Variants in SMG7 observed in about 807,000 individuals in gnomAD.
SMG7 encodes nonsense-mediated mRNA decay factor SMG7.
Under a neutral mutation model 148.2 loss-of-function variants are expected in SMG7, and 34 were observed. The observed-to-expected ratio is 0.23, with a 90% CI of 0.17 to 0.31. The LOEUF (loss-of-function observed/expected upper bound fraction) is 0.31, where lower values mean the gene tolerates loss of function less well. Ranked by LOEUF, SMG7 falls within the 10% of genes least tolerant of loss-of-function variation. The pLI is 1.00. For missense variants in SMG7, 1,114 were observed against 1,408.4 expected, an observed-to-expected ratio of 0.79 and a Z score of 3.35; for synonymous variants, 492 against 515.1, an observed-to-expected ratio of 0.96 and a Z score of 0.61.
At chr1:183,473,904 T>A in intron 1 of SMG7, 1 of 983,644 alleles carries the variant, frequency 1.0e-6, no homozygotes, top group Non-Finnish European at 1.2e-6. Flanking sequence ...AAGAGGTGTG[T>A]AGTTACCTGA....
At chr1:183,475,733 G>A (rs1459669920) in intron 1 of SMG7, among the ~76,000 whole-genome samples, 1 of 152,140 alleles carries the variant, frequency 6.6e-6, no homozygotes, top group Non-Finnish European at 1.5e-5. Context: ...GCAGAGTGGT[G>A]GTACTTTTAA....
chr1:183,511,891 A>G (rs190551342), intron 1 of SMG7, among the ~76,000 whole-genome samples: 140 of 152,326 alleles, frequency 9.2e-4, no homozygotes, highest in African/African-American at 3.3e-3. Flanking sequence ...TTTGGGAGAA[A>G]GTTGTCATGG....
rs76767856 is a variant in SMG7, at chr1:183,537,970, G to A, written c.1235-410G>A. On this transcript the variant is annotated intron_variant, in intron 11 of 22. Transcript: ENST00000688051. ...ATCACCTGAATCTTTTTAAAATACA[G>A]TTTATGATTCAGTAGGTTTGAATTA... Among the ~76,000 whole-genome samples, 256 of 152,098 alleles carry A rather than the reference G, an allele frequency of 1.7e-3. 1 individual carries two copies. The East Asian group carries it at 0.035, about 20-fold the overall frequency.
At chr1:183,532,734 TG>T (rs1667086070) in intron 8 of SMG7, among the ~76,000 whole-genome samples, 1 of 152,204 alleles carries the variant, frequency 6.6e-6, no homozygotes, top group South Asian at 2.1e-4. Flanking sequence ...CTTTATGTAC[TG>T]GGAGTTCAAA....
intron 15 of SMG7, 101 bp downstream of exon 15, chr1:183,544,598 C>A (rs546981934): frequency 7.8e-7 from 1 of 1,288,230 alleles, no homozygotes; most frequent in Non-Finnish European, 1.1e-6. Flanking sequence ...TGTTACTAAG[C>A]CATAAAAAGT....
Position 183,517,693 on chromosome 1 carries a change from A to G in SMG7, c.185A>G (p.Asn62Ser). 6.2e-7 allele frequency: 1 copy of G among 1,614,096 alleles called. No individual in the cohort carries two copies. The highest frequency in any genetic ancestry group is 8.5e-7 in the Non-Finnish European group (1 of 1,179,954). The change falls in exon 4 of 23, where the codon AAT becomes AGT. Residue 62 changes from asparagine (N) to serine (S), a missense_variant. Physicochemically the swap from Asn to Ser is conservative, Grantham distance 46. Transcript: ENST00000688051. ...LDKKVEQDLW[N>S]HAFKNQITTL... ...GAATTACATTTTGTTTTCAGCTGGAATCACGCCTTTAAGAATCAGATCACA... is the reference window on the plus strand; with the variant it reads ...GAATTACATTTTGTTTTCAGCTGGAGTCACGCCTTTAAGAATCAGATCACA...
At position 183,551,921 on chromosome 1, in the gene SMG7, C is replaced by A; in HGVS notation, c.3554C>A (p.Pro1185His). The change falls in exon 23 of 23, where the codon CCT becomes CAT. Residue 1185 changes from proline to histidine, a missense_variant. Around this residue, in one of 4 missense-constraint regions of SMG7, gnomAD observed 788 missense variants for 894.5 expected, o/e 0.88. Coordinates refer to ENST00000688051, the MANE Select transcript of SMG7 (RefSeq NM_001375584.1). ...CAACGGGGACAAGGCACCATGAACC[C>A]TCCACACTGAGGCCAAAGTGGCAAC... The part of the protein sequence containing the change: ...KQQRGQGTMN[P>H]PH 3 of 1,613,390 alleles carry A rather than the reference C, an allele frequency of 1.9e-6. No homozygotes were observed. In the East Asian group the frequency reaches 6.7e-5, roughly 36 times the overall value.
At chr1:183,500,254 T>A (rs1475273814) in intron 1 of SMG7, among the ~76,000 whole-genome samples, 1 of 152,184 alleles carries the variant, frequency 6.6e-6, no homozygotes, top group African/African-American at 2.4e-5. Context: ...ATATATTATA[T>A]AGATTCCACT....
At chr1:183,532,953 G>C (rs183017423) in intron 8 of SMG7, among the ~76,000 whole-genome samples, 1 of 152,214 alleles carries the variant, frequency 6.6e-6, no homozygotes, top group Admixed American at 6.5e-5. Flanking sequence ...ACAACTCTGT[G>C]GTGTCTAGAT....
chr1:183,481,173 A>G (rs931871153), intron 1 of SMG7, among the ~76,000 whole-genome samples: 2 of 152,084 alleles, frequency 1.3e-5, no homozygotes, highest in African/African-American at 4.8e-5. Context: ...CTGCCTCATG[A>G]TATCTTCTTA....
In SMG7 at chr1:183,553,071, C is replaced by A. The variant is rs1004681838; in HGVS notation, c.*1140C>A. The A allele has an allele frequency of 6.5e-7, 1 of 1,536,086 alleles. No homozygotes were observed. Among genetic ancestry groups the A allele is most frequent in the African/African-American group, 1.4e-5 (1 of 73,048 alleles). On this transcript the variant is annotated 3_prime_UTR_variant, in exon 23 of 23. Transcript: ENST00000688051. ...TGCGTAGCCCACAGAGGGCCCAGGC[C>A]CCTGCCCAGCTGCAGTCTCCCAGCC...
intron 1 of SMG7, among the ~76,000 whole-genome samples, chr1:183,483,955 A>G (rs1451605920): frequency 6.6e-6 from 1 of 152,192 alleles, no homozygotes; most frequent in East Asian, 1.9e-4. Flanking sequence ...AGCAAGTTGA[A>G]TGAGCCAAGG....
chr1:183,504,591 G>A (rs950075700), intron 1 of SMG7, among the ~76,000 whole-genome samples: 6 of 151,968 alleles, frequency 3.9e-5, no homozygotes, highest in African/African-American at 9.7e-5. Flanking sequence ...TGCCTGCCTC[G>A]GCCTCCCAAA....
intron 1 of SMG7, among the ~76,000 whole-genome samples, chr1:183,506,485 T>C (rs1246162550): frequency 1.3e-5 from 2 of 152,194 alleles, no homozygotes. Flanking sequence ...CATGTGCACA[T>C]TAAGTGCATG....
intron 1 of SMG7, among the ~76,000 whole-genome samples, chr1:183,489,148 A>G (rs769917712): frequency 8.5e-5 from 13 of 152,194 alleles, no homozygotes; most frequent in Non-Finnish European, 1.8e-4. Flanking sequence ...TAAAAAAAAA[A>G]GTTCAATCAA....
At chr1:183,492,845 C>T (rs2102225260) in intron 1 of SMG7, among the ~76,000 whole-genome samples, 1 of 152,178 alleles carries the variant, frequency 6.6e-6, no homozygotes, top group East Asian at 1.9e-4. Flanking sequence ...GCTATAAATA[C>T]CTCTCTAAGC....
chr1:183,529,793 A>T (rs1454342123), intron 8 of SMG7, among the ~76,000 whole-genome samples: 1 of 152,154 alleles, frequency 6.6e-6, no homozygotes, highest in African/African-American at 2.4e-5. Flanking sequence ...GAAAAAAATA[A>T]ATAACTCCTC....
intron 1 of SMG7, among the ~76,000 whole-genome samples, chr1:183,489,175 T>C (rs1656307089): frequency 6.6e-6 from 1 of 152,164 alleles, no homozygotes; most frequent in Non-Finnish European, 1.5e-5. Context: ...TAGACAGGGC[T>C]TGAATTTTAT....
intron 1 of SMG7, among the ~76,000 whole-genome samples, chr1:183,491,546 T>C (rs1657018116): frequency 6.6e-6 from 1 of 152,234 alleles, no homozygotes; most frequent in Non-Finnish European, 1.5e-5. Context: ...TACATACATA[T>C]GTGGCTATAT....
Sources: gnomAD v4.1 joint callset for allele counts (sites outside exome capture counted in the v4.1 genomes callset) on GRCh38, gnomAD v4.1.1 for gene constraint, gnomAD v4.1.1 regional missense constraint, MANE v1.5 for transcripts, NCBI Gene and HGNC (gene_info 2026-07-23, HGNC 2026-07-21) for gene names.